Variants in SGCD observed in about 807,000 individuals in gnomAD.
SGCD encodes sarcoglycan delta.
In SGCD, 18 loss-of-function variants were observed where a neutral mutation model predicts 36.6. That is an observed-to-expected ratio of 0.49 (90% CI 0.34 to 0.73). The LOEUF (loss-of-function observed/expected upper bound fraction) is 0.73, where lower values mean the gene tolerates loss of function less well. SGCD is among the 30% of genes least tolerant of loss of function. The pLI is 0.01. For synonymous variants in SGCD, 133 were observed against 130.6 expected, an observed-to-expected ratio of 1.02 and a Z score of -0.12; for missense variants, 387 against 346.7, an observed-to-expected ratio of 1.12 and a Z score of -0.92.
intron 1 of SGCD, among the ~76,000 whole-genome samples, chr5:155,875,885 G>A (rs1475435231): frequency 6.6e-6 from 1 of 151,884 alleles, no homozygotes; most frequent in Non-Finnish European, 1.5e-5. Flanking sequence ...TTGTAACAGT[G>A]CATATCATTG....
At chr5:155,745,019 A>G in the SGCD span, among the ~76,000 whole-genome samples, 1 of 152,372 alleles carries the variant, frequency 6.6e-6, no homozygotes, top group Admixed American at 6.5e-5. Context: ...AGGAACCATG[A>G]GTAATACTGA....
chr5:155,774,907 G>T, the SGCD span, among the ~76,000 whole-genome samples: 130,630 of 152,160 alleles, frequency 0.86, 56,188 homozygotes, highest in East Asian at 0.99. Context: ...CCATAAACTT[G>T]GGTGGCAGCA....
At chr5:155,984,315 T>C (rs1758287101) in intron 1 of SGCD, among the ~76,000 whole-genome samples, 1 of 152,226 alleles carries the variant, frequency 6.6e-6, no homozygotes, top group Non-Finnish European at 1.5e-5. Flanking sequence ...CTGTCAGTCA[T>C]AGAATACCAA....
intron 1 of SGCD, among the ~76,000 whole-genome samples, chr5:155,913,968 G>T (rs146219982): frequency 9.2e-5 from 14 of 152,294 alleles, no homozygotes; most frequent in Admixed American, 4.6e-4. Flanking sequence ...TTGTTGATAA[G>T]CTTTCATTGA....
intron 6 of SGCD, among the ~76,000 whole-genome samples, chr5:156,611,181 C>T (rs1350164924): frequency 1.3e-5 from 2 of 152,202 alleles, no homozygotes; most frequent in African/African-American, 4.8e-5. Flanking sequence ...GCCATCTTGG[C>T]TCCTCCCCTC....
At chr5:156,207,862 C>T (rs1277043825) in intron 3 of SGCD, among the ~76,000 whole-genome samples, 1 of 151,948 alleles carries the variant, frequency 6.6e-6, no homozygotes, top group African/African-American at 2.4e-5. Context: ...TGATAGGCTT[C>T]TTTTTCCTGA....
At chr5:155,887,113 G>A (rs889638301) in intron 1 of SGCD, among the ~76,000 whole-genome samples, 9 of 152,186 alleles carry the variant, frequency 5.9e-5, no homozygotes, top group African/African-American at 1.7e-4. Context: ...CATTGGGGGC[G>A]AAAATATCAG....
chr5:156,610,291 A>T (rs1013714589), intron 6 of SGCD, among the ~76,000 whole-genome samples: 2 of 152,004 alleles, frequency 1.3e-5, no homozygotes, highest in Admixed American at 6.5e-5. Flanking sequence ...GGTCTGTTGG[A>T]GTTTGCTGGA....
intron 1 of SGCD, among the ~76,000 whole-genome samples, chr5:155,906,012 A>G (rs55711130): frequency 0.32 from 49,233 of 152,070 alleles, 10,716 homozygotes; most frequent in African/African-American, 0.59. Context: ...CTTGCATCAA[A>G]CAAATCTGTT....
chr5:155,939,589 G>A (rs1426837642), intron 1 of SGCD, among the ~76,000 whole-genome samples: 1 of 148,400 alleles, frequency 6.7e-6, no homozygotes, highest in Admixed American at 6.7e-5. Flanking sequence ...AGGTTGCAGT[G>A]AGTTGAGATT....
chr5:155,962,663 G>T (rs1757814906), intron 1 of SGCD, among the ~76,000 whole-genome samples: 1 of 152,098 alleles, frequency 6.6e-6, no homozygotes, highest in South Asian at 2.1e-4. Flanking sequence ...GAGGGCTATG[G>T]CATGGGTCAC....
chr5:155,825,470 A>G, the SGCD span, among the ~76,000 whole-genome samples: 66,074 of 152,080 alleles, frequency 0.43, 14,714 homozygotes, highest in East Asian at 0.62. Context: ...ATTGTGAAAC[A>G]AATGCTTGGT....
At chr5:156,121,364 C>G (rs918890390) in intron 2 of SGCD, among the ~76,000 whole-genome samples, 1 of 152,072 alleles carries the variant, frequency 6.6e-6, no homozygotes, top group Non-Finnish European at 1.5e-5. Flanking sequence ...TTCATCATCT[C>G]TCTTTTATAG....
At chr5:155,761,595 T>G in the SGCD span, among the ~76,000 whole-genome samples, 1 of 138,720 alleles carries the variant, frequency 7.2e-6, no homozygotes, top group Non-Finnish European at 1.5e-5. Context: ...CTCCATCATC[T>G]CCATCACCCT....
At chr5:156,563,457 A>G (rs1759351405) in intron 4 of SGCD, among the ~76,000 whole-genome samples, 1 of 152,214 alleles carries the variant, frequency 6.6e-6, no homozygotes, top group South Asian at 2.1e-4. Context: ...GTCAGATCCT[A>G]TGGGTCTGAC....
At chr5:156,675,256 T>C (rs753769412) in intron 7 of SGCD, among the ~76,000 whole-genome samples, 1 of 152,224 alleles carries the variant, frequency 6.6e-6, no homozygotes, top group African/African-American at 2.4e-5. Context: ...ATAATACATA[T>C]GAACTACTTC....
the SGCD span, among the ~76,000 whole-genome samples, chr5:155,812,196 G>A: frequency 6.6e-6 from 1 of 152,152 alleles, no homozygotes; most frequent in Non-Finnish European, 1.5e-5. Flanking sequence ...GGTGTTTATA[G>A]CCCTATGTTA....
At chr5:156,005,261 C>T (rs1435605039) in intron 1 of SGCD, among the ~76,000 whole-genome samples, 2 of 152,080 alleles carry the variant, frequency 1.3e-5, no homozygotes, top group Non-Finnish European at 2.9e-5. Flanking sequence ...TCATCCCAGT[C>T]CTAATGGGCT....
intron 1 of SGCD, among the ~76,000 whole-genome samples, chr5:156,099,663 C>T (rs891494902): frequency 6.6e-6 from 1 of 152,174 alleles, no homozygotes; most frequent in African/African-American, 2.4e-5. Flanking sequence ...GATCCACCTG[C>T]CCTGGCCTCC....
Sources: allele counts gnomAD v4.1 joint callset (sites outside exome capture counted in the v4.1 genomes callset), GRCh38; gene constraint gnomAD v4.1.1; transcripts MANE v1.5; gene names NCBI Gene and HGNC (gene_info 2026-07-23, HGNC 2026-07-21).